Variants in AHCTF1 observed in about 807,000 individuals in gnomAD.
AHCTF1 encodes the protein protein ELYS.
Under a neutral mutation model 248.4 loss-of-function variants are expected in AHCTF1, and 24 were observed. That is an observed-to-expected ratio of 0.10 (90% CI 0.07 to 0.14). AHCTF1 has a LOEUF of 0.14. AHCTF1 is among the 10% of genes least tolerant of loss of function. AHCTF1 has a pLI of 1.00. For synonymous variants in AHCTF1, 786 were observed against 929.8 expected, an observed-to-expected ratio of 0.85 and a Z score of 2.81; for missense variants, 2,206 against 2,636.2, an observed-to-expected ratio of 0.84 and a Z score of 3.57.
intron 24 of AHCTF1, among the ~76,000 whole-genome samples, chr1:246,874,420 C>T (rs948166056): frequency 6.6e-6 from 1 of 152,138 alleles, no homozygotes; most frequent in Non-Finnish European, 1.5e-5. Flanking sequence ...CTTGCTAAAC[C>T]TTTTGACTTA....
chr1:246,891,755 C>A, intron 15 of AHCTF1, 24 bp downstream of exon 15: 1 of 1,603,212 alleles, frequency 6.2e-7, no homozygotes, highest in Non-Finnish European at 8.5e-7. Flanking sequence ...ATAAAACACT[C>A]ATTTGATAAA....
intron 4 of AHCTF1, among the ~76,000 whole-genome samples, chr1:246,909,161 C>T (rs536703171): frequency 8.7e-5 from 13 of 148,834 alleles, no homozygotes; most frequent in Admixed American, 1.3e-4. Flanking sequence ...CCTGTAATCC[C>T]AGCACTTTGG....
intron 24 of AHCTF1, among the ~76,000 whole-genome samples, chr1:246,868,779 C>T (rs1021732042): frequency 1.8e-4 from 27 of 151,550 alleles, no homozygotes; most frequent in African/African-American, 6.5e-4. Context: ...AAAAAAGTAC[C>T]ACGTGATGAA....
Position 246,839,338 on chromosome 1 carries a change from T to C in AHCTF1, c.*1468A>G, listed in dbSNP as rs1175325507. Reference sequence around the variant, plus strand: ...ACATACGTTGCATCCATGTTTATTGTGCTACTTGCGCAAAGGAATTGTTTA... The same window carrying C: ...ACATACGTTGCATCCATGTTTATTGCGCTACTTGCGCAAAGGAATTGTTTA... On this transcript the variant is annotated 3_prime_UTR_variant, in exon 36 of 36. Coordinates refer to ENST00000648844, the MANE Select transcript of AHCTF1 (RefSeq NM_001323342.2). The C allele has an allele frequency of 6.0e-6, 1 of 166,958 alleles. No homozygotes were observed. The highest frequency in any genetic ancestry group is 2.4e-5 in the African/African-American group (1 of 41,680). 10.3% of individuals were successfully genotyped at this position (166,958 alleles called of 1,614,324 possible).
chr1:246,909,233 A>G (rs1240962300), intron 4 of AHCTF1, among the ~76,000 whole-genome samples: 1 of 145,394 alleles, frequency 6.9e-6, no homozygotes, highest in Non-Finnish European at 1.5e-5. Context: ...AATATGGTGA[A>G]ACCTCGGCTC....
At chr1:246,880,518 C>G (rs1389510433) in intron 21 of AHCTF1, among the ~76,000 whole-genome samples, 1 of 148,446 alleles carries the variant, frequency 6.7e-6, no homozygotes. Context: ...GAGCCGAGAT[C>G]GCGCCACTGC....
intron 20 of AHCTF1, among the ~76,000 whole-genome samples, chr1:246,886,260 G>A (rs1026073253): frequency 4.6e-5 from 7 of 152,260 alleles, no homozygotes; most frequent in African/African-American, 1.4e-4. Flanking sequence ...GAACCCAGGA[G>A]GCACAGGCTG....
intron 21 of AHCTF1, among the ~76,000 whole-genome samples, chr1:246,879,601 A>G (rs1663244117): frequency 6.6e-6 from 1 of 152,136 alleles, no homozygotes; most frequent in African/African-American, 2.4e-5. Context: ...AGACAGGTGG[A>G]TCAATCATCT....
intron 13 of AHCTF1, among the ~76,000 whole-genome samples, chr1:246,895,364 A>G (rs1312225949): frequency 6.6e-6 from 1 of 152,224 alleles, no homozygotes. Context: ...ATGGTTCAGA[A>G]AAAAAACTAT....
chr1:246,922,389 G>A (rs1666604299), intron 1 of AHCTF1, among the ~76,000 whole-genome samples: 2 of 151,770 alleles, frequency 1.3e-5, no homozygotes, highest in Admixed American at 1.3e-4. Flanking sequence ...CGTGCAAGAA[G>A]GCACACTGTA....
intron 2 of AHCTF1, 23 bp from the exon 3 acceptor site, chr1:246,916,418 A>G (rs1225210588): frequency 1.3e-6 from 2 of 1,599,804 alleles, no homozygotes; most frequent in Admixed American, 1.8e-5. Context: ...AAAATTGCCT[A>G]TTTTAATATT....
In AHCTF1 at chr1:246,867,703, C is replaced by G. The variant is rs759872976; in HGVS notation, c.3197G>C (p.Trp1066Ser). The G allele has an allele frequency of 6.2e-7, 1 of 1,612,542 alleles. No individual in the cohort carries two copies. Among genetic ancestry groups the G allele is most frequent in the South Asian group, 1.1e-5 (1 of 90,934 alleles). ...NNVLSKIGEV[W>S]ASKEPINSTT... ...GCTATTTATAGGTTCTTTGCTTGCCCAAACTTCTCCAATTTTAGATAACAC... is the reference window on the plus strand; with the variant it reads ...GCTATTTATAGGTTCTTTGCTTGCCGAAACTTCTCCAATTTTAGATAACAC... Residue 1066 changes from tryptophan to serine, a missense_variant, in exon 25 of 36, where the codon TGG becomes TCG. Physicochemically the swap from Trp to Ser is radical, Grantham distance 177. Transcript: ENST00000648844.
chr1:246,845,318 T>C (rs1023515697), intron 33 of AHCTF1, among the ~76,000 whole-genome samples: 1 of 151,894 alleles, frequency 6.6e-6, no homozygotes, highest in Non-Finnish European at 1.5e-5. Context: ...TATATAAAAA[T>C]GTTTTTTGTG....
At chr1:246,908,244 C>T (rs1005827132) in intron 4 of AHCTF1, among the ~76,000 whole-genome samples, 9 of 143,300 alleles carry the variant, frequency 6.3e-5, no homozygotes, top group African/African-American at 2.1e-4. Flanking sequence ...TTACCAATGA[C>T]AGGACATTTT....
chr1:246,841,150 T>C (rs1192563714), intron 35 of AHCTF1, 152 bp from the exon 36 acceptor site: 1 of 635,520 alleles, frequency 1.6e-6, no homozygotes, highest in Non-Finnish European at 2.6e-6. Flanking sequence ...AAGTGAAGCT[T>C]TAAGTCATAT....
intron 17 of AHCTF1, among the ~76,000 whole-genome samples, chr1:246,889,170 T>G (rs1463300074): frequency 6.6e-6 from 1 of 152,194 alleles, no homozygotes; most frequent in African/African-American, 2.4e-5. Flanking sequence ...TTTCATCACT[T>G]GGGTTAGTCT....
intron 12 of AHCTF1, 67 bp from the exon 13 acceptor site, chr1:246,895,992 T>C (rs1664546457): frequency 1.5e-6 from 2 of 1,352,796 alleles, no homozygotes; most frequent in Non-Finnish European, 2.1e-6. Context: ...AGGCAAGTTC[T>C]GGTTTAGAAT....
At chr1:246,921,264 T>G (rs1666531661) in intron 1 of AHCTF1, among the ~76,000 whole-genome samples, 1 of 152,018 alleles carries the variant, frequency 6.6e-6, no homozygotes, top group Non-Finnish European at 1.5e-5. Context: ...CACAGTGGAT[T>G]TGAGAGAGAA....
intron 25 of AHCTF1, 123 bp downstream of exon 25, chr1:246,867,534 TAAAG>T: frequency 8.0e-7 from 1 of 1,255,254 alleles, no homozygotes; most frequent in Non-Finnish European, 1.1e-6. Context: ...ATAGCCAACA[TAAAG>T]AGTTTTTCTT....
Sources: allele counts gnomAD v4.1 joint callset (sites outside exome capture counted in the v4.1 genomes callset), GRCh38; gene constraint gnomAD v4.1.1; transcripts MANE v1.5; gene names NCBI Gene and HGNC (gene_info 2026-07-23, HGNC 2026-07-21).